Variants in PTPN4 observed in about 807,000 individuals in gnomAD.
PTPN4 encodes the protein protein tyrosine phosphatase non-receptor type 4.
In PTPN4, 49 loss-of-function variants were observed where a neutral mutation model predicts 135.5. The observed-to-expected ratio is 0.36, with a 90% CI of 0.29 to 0.46. The LOEUF (loss-of-function observed/expected upper bound fraction) is 0.46. Ranked by LOEUF, PTPN4 falls within the 20% of genes least tolerant of loss-of-function variation. The probability of loss-of-function intolerance (pLI) is 1.00; values close to 1 mark genes in which losing one functional copy is unlikely to be tolerated. For missense variants in PTPN4, 860 were observed against 1,101.0 expected (o/e 0.78, Z 3.10); for synonymous variants, 333 against 369.9 (o/e 0.90, Z 1.14).
At chr2:119,931,765 A>G (rs1678910560) in intron 13 of PTPN4, among the ~76,000 whole-genome samples, 1 of 152,062 alleles carries the variant, frequency 6.6e-6, no homozygotes, top group African/African-American at 2.4e-5. Context: ...AACATCACTT[A>G]GTTTTCATCT....
At position 119,861,037 on chromosome 2, in the gene PTPN4, A is replaced by G. The variant is rs534622573; in HGVS notation, c.139-1499A>G. 4.8e-5 allele frequency among the ~76,000 whole-genome samples: 7 copies of G among 146,188 alleles called. No homozygotes were observed. The South Asian group carries it at 1.6e-3, about 33-fold the overall frequency. ...CTCTAGCCTGGGCAACAAGAGCGAA[A>G]CTCCATCTCAAAAAAAAAAAAAAAA... On this transcript the variant is annotated intron_variant, in intron 2 of 26. Coordinates refer to ENST00000263708, the MANE Select transcript of PTPN4 (RefSeq NM_002830.4).
At chr2:119,900,675 C>T in intron 9 of PTPN4, 43 bp from the exon 10 acceptor site, 2 of 1,188,976 alleles carry the variant, frequency 1.7e-6, no homozygotes, top group East Asian at 2.5e-5. Flanking sequence ...TAACAAAGCC[C>T]ATAAATTTAG....
At chr2:119,768,879 C>G (rs574125502) in intron 1 of PTPN4, among the ~76,000 whole-genome samples, 1 of 152,254 alleles carries the variant, frequency 6.6e-6, no homozygotes, top group Admixed American at 6.5e-5. Context: ...AGCTGAAATT[C>G]AAAAAGGTCT....
chr2:119,931,901 A>G (rs1161702740), intron 13 of PTPN4, among the ~76,000 whole-genome samples: 1 of 152,176 alleles, frequency 6.6e-6, no homozygotes, highest in Non-Finnish European at 1.5e-5. Context: ...CCACTAACCT[A>G]CTATATGTAA....
At chr2:119,960,999 T>G (rs1679357064) in intron 23 of PTPN4, 46 bp downstream of exon 23, 1 of 1,578,076 alleles carries the variant, frequency 6.3e-7, no homozygotes, top group East Asian at 2.3e-5. Flanking sequence ...TTTTTTCAAA[T>G]TATACTGCAC....
chr2:119,926,133 T>C (rs901278406), intron 12 of PTPN4, among the ~76,000 whole-genome samples: 2 of 152,234 alleles, frequency 1.3e-5, no homozygotes, highest in Non-Finnish European at 2.9e-5. Flanking sequence ...ACCGCAAATT[T>C]ATGTTAATTC....
chr2:119,798,793 A>G (rs1205092549), intron 1 of PTPN4, among the ~76,000 whole-genome samples: 1 of 152,230 alleles, frequency 6.6e-6, no homozygotes, highest in Non-Finnish European at 1.5e-5. Flanking sequence ...TTCTCCAAAT[A>G]TACTGTTTTA....
intron 18 of PTPN4, among the ~76,000 whole-genome samples, chr2:119,950,287 T>C (rs977787380): frequency 1.2e-4 from 19 of 152,214 alleles, no homozygotes; most frequent in African/African-American, 4.6e-4. Context: ...AGCATCATAC[T>C]GCTAGTGCAC....
intron 1 of PTPN4, among the ~76,000 whole-genome samples, chr2:119,779,451 A>T (rs2104927050): frequency 6.6e-6 from 1 of 152,188 alleles, no homozygotes; most frequent in South Asian, 2.1e-4. Flanking sequence ...CCCCATCTCT[A>T]CTAAAAATAC....
At chr2:119,908,079 G>A (rs3111726) in intron 10 of PTPN4, among the ~76,000 whole-genome samples, 61,495 of 151,944 alleles carry the variant, frequency 0.4, 14,327 homozygotes, top group African/African-American at 0.65. Context: ...ACAGGCAACA[G>A]AAAGAAAAAT....
At chr2:119,945,041 A>G in intron 15 of PTPN4, 40 bp from the exon 16 acceptor site, 1 of 1,548,104 alleles carries the variant, frequency 6.5e-7, no homozygotes, top group Non-Finnish European at 8.6e-7. Flanking sequence ...AACTTTTAAA[A>G]AAGTTATGAA....
At chr2:119,901,116 T>C (rs1049596177) in intron 10 of PTPN4, among the ~76,000 whole-genome samples, 1 of 152,236 alleles carries the variant, frequency 6.6e-6, no homozygotes, top group Non-Finnish European at 1.5e-5. Flanking sequence ...CTAACCAATA[T>C]GGGTTTTATC....
chr2:119,936,292 G>A (rs913337736), intron 15 of PTPN4, among the ~76,000 whole-genome samples: 1 of 152,086 alleles, frequency 6.6e-6, no homozygotes, highest in South Asian at 2.1e-4. Context: ...GTGAGCCCCC[G>A]CGCCCGGCCT....
intron 18 of PTPN4, among the ~76,000 whole-genome samples, chr2:119,949,890 G>C (rs1250560727): frequency 6.6e-6 from 1 of 151,604 alleles, no homozygotes; most frequent in African/African-American, 2.4e-5. Context: ...CACACACACA[G>C]AGCAAGACCC....
At position 119,847,315 on chromosome 2, in the gene PTPN4, C is replaced by CACACAT. The variant is rs1377379334; in HGVS notation, c.139-15220_139-15219insCACATA. 6.3e-3 allele frequency among the ~76,000 whole-genome samples: 594 copies of CACACAT among 94,458 alleles called. 4 individuals carry two copies. Among genetic ancestry groups the CACACAT allele is most frequent in the East Asian group, 0.018 (62 of 3,508 alleles). 62.0% of individuals were successfully genotyped at this position (94,458 alleles called of 152,430 possible). On this transcript the variant is annotated intron_variant, in intron 2 of 26. Transcript: ENST00000263708. Reference sequence around the variant, plus strand: ...ACACACACACACACACACACACACACATATATATATATATTTTTTTTTTTT... The same window carrying CACACAT: ...ACACACACACACACACACACACACACACACATATATATATATATATTTTTTTTTTTT...
At chr2:119,905,776 C>T (rs1678478583) in intron 10 of PTPN4, among the ~76,000 whole-genome samples, 1 of 152,000 alleles carries the variant, frequency 6.6e-6, no homozygotes, top group South Asian at 2.1e-4. Context: ...TCTCACACCA[C>T]AATGGAATAA....
intron 25 of PTPN4, among the ~76,000 whole-genome samples, chr2:119,967,162 C>T (rs1679456156): frequency 6.6e-6 from 1 of 152,164 alleles, no homozygotes; most frequent in South Asian, 2.1e-4. Flanking sequence ...AATTTAAAAT[C>T]AGACCGGGAG....
At chr2:119,815,861 T>G (rs1676977324) in intron 2 of PTPN4, among the ~76,000 whole-genome samples, 1 of 152,218 alleles carries the variant, frequency 6.6e-6, no homozygotes, top group Non-Finnish European at 1.5e-5. Context: ...GTAATATGTA[T>G]AATGCACAAA....
chr2:119,951,979 C>A lies in PTPN4; in HGVS notation c.1663C>A (p.Leu555Ile). The A allele has an allele frequency of 6.2e-7, 1 of 1,607,558 alleles. No homozygotes were observed. Among genetic ancestry groups the A allele is most frequent in the Non-Finnish European group, 8.5e-7 (1 of 1,176,818 alleles). ...TATCTATATTATATTACAGGCTGAC[C>A]TCTGTGTCCCTAGACTGAATGAAGG... ...SRVAPGTPAD[L>I]CVPRLNEGDQ... Residue 555 changes from leucine (L) to isoleucine (I), a missense_variant, in exon 19 of 27, where the codon CTC becomes ATC. This residue lies in a region of PTPN4 where 684 missense variants were observed against 807.0 expected (regional missense o/e 0.85). Coordinates refer to ENST00000263708, the MANE Select transcript of PTPN4 (RefSeq NM_002830.4).
Sources: allele counts gnomAD v4.1 joint callset (sites outside exome capture counted in the v4.1 genomes callset), GRCh38; gene constraint gnomAD v4.1.1; regional missense constraint gnomAD v4.1.1; transcripts MANE v1.5; gene names NCBI Gene and HGNC (gene_info 2026-07-23, HGNC 2026-07-21).